The following CEP83 variants were observed in gnomAD, a reference collection of about 807,000 sequenced individuals.
CEP83 encodes the protein centrosomal protein of 83 kDa.
CEP83 carries 70 observed loss-of-function variants against 101.9 expected under a neutral mutation model. The observed-to-expected ratio is 0.69, with a 90% CI of 0.57 to 0.84. The LOEUF (loss-of-function observed/expected upper bound fraction) is 0.84. Among genes scored for constraint, CEP83 ranks in the 40% least tolerant of loss-of-function variants. The pLI is 0.00. For synonymous variants in CEP83, 264 were observed against 267.9 expected, an observed-to-expected ratio of 0.99 and a Z score of 0.14; for missense variants, 715 against 787.2, an observed-to-expected ratio of 0.91 and a Z score of 1.10.
intron 14 of CEP83, among the ~76,000 whole-genome samples, chr12:94,331,348 C>A (rs1345093552): frequency 4.6e-5 from 6 of 131,634 alleles, no homozygotes; most frequent in Non-Finnish European, 8.1e-5. Flanking sequence ...ATAGAAATCA[C>A]CTTTTTTCCT....
At chr12:94,411,525 G>A (rs2063880820) in intron 4 of CEP83, among the ~76,000 whole-genome samples, 172 bp downstream of exon 4, 2 of 151,962 alleles carry the variant, frequency 1.3e-5, no homozygotes, top group Middle Eastern at 3.2e-3. Context: ...CCCTTACATG[G>A]TAGCTAACAT....
intron 15 of CEP83, among the ~76,000 whole-genome samples, chr12:94,312,103 C>G (rs571914850): frequency 6.6e-6 from 1 of 152,082 alleles, no homozygotes; most frequent in East Asian, 1.9e-4. Context: ...AAACAAAATT[C>G]AAAATTACAA....
chr12:94,443,702 G>T (rs1216159381), intron 1 of CEP83, among the ~76,000 whole-genome samples: 10 of 151,950 alleles, frequency 6.6e-5, no homozygotes, highest in Non-Finnish European at 1.2e-4. Flanking sequence ...GGCAAGGCTG[G>T]TCTCGAACTC....
chr12:94,414,954 C>A (rs1224525518), intron 2 of CEP83, among the ~76,000 whole-genome samples: 1 of 151,852 alleles, frequency 6.6e-6, no homozygotes, highest in African/African-American at 2.4e-5. Flanking sequence ...AGTTAAAATT[C>A]TAGTTAATAC....
chr12:94,404,214 G>T (rs1165354646), intron 4 of CEP83, among the ~76,000 whole-genome samples: 1 of 151,976 alleles, frequency 6.6e-6, no homozygotes, highest in African/African-American at 2.4e-5. Context: ...TCAAACTCTG[G>T]TGTTAAAAAT....
the CEP83 span, chr12:94,279,448 G>C: frequency 2.5e-6 from 4 of 1,592,310 alleles, no homozygotes; most frequent in African/African-American, 2.7e-5. Flanking sequence ...TAATAGACTT[G>C]GAAACCTGTT....
intron 11 of CEP83, among the ~76,000 whole-genome samples, chr12:94,350,948 A>G (rs1344322396): frequency 1.3e-5 from 2 of 152,160 alleles, no homozygotes; most frequent in African/African-American, 2.4e-5. Flanking sequence ...TCAAAAAAAC[A>G]TGAGGAAGAC....
rs78473865 is a variant in CEP83 at position 94,411,988 on chromosome 12, C to T, written c.174-141G>A. The T allele has an allele frequency of 0.073, 53,314 of 728,510 alleles. 2,274 individuals carry two copies. Among genetic ancestry groups the T allele is most frequent in the Admixed American group, 0.095 (3,111 of 32,770 alleles). 45.1% of individuals were successfully genotyped at this position (728,510 alleles called of 1,614,324 possible). A position where few individuals can be genotyped will look rare whatever the true frequency, so the allele number is the denominator to read the frequency against. ...TAAACCCACAAGTATCTTTTATTTA[C>T]AGAGTTTCATTTAATTATTAACACT... is the stretch of plus-strand genomic sequence containing the variant. On this transcript the variant is annotated intron_variant, in intron 3 of 16. Coordinates refer to ENST00000397809, the MANE Select transcript of CEP83 (RefSeq NM_016122.3).
chr12:94,316,650 AC>A (rs1161945789), intron 14 of CEP83, among the ~76,000 whole-genome samples: 2 of 151,922 alleles, frequency 1.3e-5, no homozygotes, highest in Non-Finnish European at 2.9e-5. Context: ...TTTAGCTCCC[AC>A]TTATGACAAT....
At chr12:94,349,115 G>A (rs191550163) in intron 11 of CEP83, among the ~76,000 whole-genome samples, 7 of 151,848 alleles carry the variant, frequency 4.6e-5, no homozygotes, top group Admixed American at 1.3e-4. Context: ...GTGAAACACC[G>A]TCTCTACTAA....
chr12:94,382,746 G>A (rs547279185), intron 6 of CEP83, among the ~76,000 whole-genome samples: 37 of 151,928 alleles, frequency 2.4e-4, no homozygotes, highest in Non-Finnish European at 4.0e-4. Context: ...AGTTTGTTGA[G>A]GTTTATTTCA....
chr12:94,295,623 TATC>T, the CEP83 span, among the ~76,000 whole-genome samples: 3 of 152,160 alleles, frequency 2.0e-5, no homozygotes, highest in African/African-American at 7.2e-5. Context: ...ACCTCTGTCC[TATC>T]ATCAGCCCCT....
chr12:94,300,822 A>T, the CEP83 span: 3 of 1,302,996 alleles, frequency 2.3e-6, no homozygotes, highest in Non-Finnish European at 3.2e-6. Context: ...TAACAAGGAC[A>T]AAAACACCCG....
chr12:94,278,710 T>C, the CEP83 span, among the ~76,000 whole-genome samples: 1 of 152,084 alleles, frequency 6.6e-6, no homozygotes, highest in African/African-American at 2.4e-5. Flanking sequence ...AAAAGTGACC[T>C]CTTTGGGCCG....
intron 6 of CEP83, among the ~76,000 whole-genome samples, chr12:94,392,834 A>T (rs368430886): frequency 2.6e-4 from 39 of 152,364 alleles, no homozygotes; most frequent in East Asian, 1.7e-3. Flanking sequence ...ACCATCAGAG[A>T]ATACTATAGA....
chr12:94,311,339 CT>C (rs1969832285), intron 15 of CEP83, among the ~76,000 whole-genome samples: 1 of 152,112 alleles, frequency 6.6e-6, no homozygotes. Flanking sequence ...ATAAGTTTCC[CT>C]GAGTTCTGTA....
chr12:94,283,328 T>C, the CEP83 span, among the ~76,000 whole-genome samples: 6 of 152,148 alleles, frequency 3.9e-5, no homozygotes, highest in East Asian at 3.9e-4. Context: ...AGGGAGAGCA[T>C]GCGTGTTAGA....
chr12:94,392,389 A>C (rs1351627866), intron 6 of CEP83, among the ~76,000 whole-genome samples: 1 of 152,212 alleles, frequency 6.6e-6, no homozygotes, highest in Non-Finnish European at 1.5e-5. Flanking sequence ...CTGAATGACT[A>C]CTGGGTAAAT....
At chr12:94,341,054 G>T (rs976431980) in intron 11 of CEP83, among the ~76,000 whole-genome samples, 2 of 152,158 alleles carry the variant, frequency 1.3e-5, no homozygotes, top group African/African-American at 4.8e-5. Flanking sequence ...ACCAAAAGTT[G>T]ACTACATATT....
Sources: allele counts gnomAD v4.1 joint callset (sites outside exome capture counted in the v4.1 genomes callset), GRCh38; gene constraint gnomAD v4.1.1; transcripts MANE v1.5; gene names NCBI Gene and HGNC (gene_info 2026-07-23, HGNC 2026-07-21).